Variants in PTCH1 observed in about 807,000 individuals in gnomAD.
The protein encoded by PTCH1 is protein patched homolog 1.
PTCH1 carries 14 observed loss-of-function variants against 144.6 expected under a neutral mutation model. The ratio of observed to expected loss-of-function variants is 0.10; its 90% confidence interval spans 0.06 to 0.15. PTCH1 has a LOEUF of 0.15. Among genes scored for constraint, PTCH1 ranks in the 10% least tolerant of loss-of-function variants. The pLI is 1.00. For missense variants in PTCH1, 1,623 were observed against 1,948.3 expected (o/e 0.83, Z 3.14); for synonymous variants, 833 against 793.6 (o/e 1.05, Z -0.83).
rs1372660225 is a variant in PTCH1, at chr9:95,458,308, G to C, written c.2888-15C>G. ...TGCTGCCGGGACTGGACAGAGAAGG[G>C]CACAGGTTAGGAGCAGCCCAGGGTA... On this transcript the variant is annotated splice_polypyrimidine_tract_variant and intron_variant, in intron 17 of 23. Transcript: ENST00000331920. The surrounding 1 kb of genome is among the most constrained non-coding windows in gnomAD (Gnocchi z 4.7). The C allele has an allele frequency of 5.6e-6, 9 of 1,612,878 alleles. No individual in the cohort carries two copies. Among genetic ancestry groups the C allele is most frequent in the Non-Finnish European group, 6.8e-6 (8 of 1,179,640 alleles).
In PTCH1 at chr9:95,447,060, G is replaced by A. The variant is rs1564004776; in HGVS notation, c.4196C>T (p.Pro1399Leu). Residue 1399 changes from proline (P) to leucine (L), a missense_variant, in exon 23 of 24, where the codon CCA (proline) becomes CTA (leucine). Transcript: ENST00000331920. ...PGRNPRGGLC[P>L]GYPETDHGLF... ...GCCGTGGTCAGTCTCAGGGTAGCCT[G>A]GGCAGAGTCCCCCTCGGGGGTTCCG... The A allele has an allele frequency of 6.2e-7, 1 of 1,614,130 alleles. No homozygotes were observed. The highest frequency in any genetic ancestry group is 1.7e-5 in the Admixed American group (1 of 60,034).
intron 15 of PTCH1, among the ~76,000 whole-genome samples, chr9:95,463,381 C>A (rs933517115): frequency 6.6e-6 from 1 of 151,832 alleles, no homozygotes; most frequent in Non-Finnish European, 1.5e-5. Flanking sequence ...GGAGACGGGA[C>A]AGGAGACCAC....
intron 1 of PTCH1, chr9:95,506,963 G>C (rs959329225): frequency 7.9e-6 from 8 of 1,013,886 alleles, no homozygotes; most frequent in Non-Finnish European, 3.5e-6. Context: ...GAGGGGCTGC[G>C]TAATCCCAGC....
chr9:95,493,364 C>A (rs536401594), intron 2 of PTCH1, among the ~76,000 whole-genome samples: 6 of 152,364 alleles, frequency 3.9e-5, no homozygotes, highest in Admixed American at 1.3e-4. Flanking sequence ...AAATTCAAGT[C>A]CTGCCCATGC....
chr9:95,466,039 G>T (rs1303543850), intron 15 of PTCH1, among the ~76,000 whole-genome samples: 2 of 151,910 alleles, frequency 1.3e-5, no homozygotes, highest in Non-Finnish European at 2.9e-5. Flanking sequence ...GCCAATAAAG[G>T]CACTGTTATT....
chr9:95,496,152 G>A (rs1476899647), intron 2 of PTCH1, among the ~76,000 whole-genome samples: 1 of 152,204 alleles, frequency 6.6e-6, no homozygotes, highest in Non-Finnish European at 1.5e-5. Flanking sequence ...TTACACCGCA[G>A]CTGGCATTTA....
rs1302049731 is a variant in PTCH1 at position 95,456,422 on chromosome 9, G to A, written c.3169-9C>T. The A allele has an allele frequency of 6.2e-7, 1 of 1,613,600 alleles. No individual in the cohort carries two copies. The highest frequency in any genetic ancestry group is 2.2e-5 in the East Asian group (1 of 44,868). ...AGCGCCAGGACCATCACCTGGAGCA[G>A]GGCACACAGTGGTCAGTGGGCGGGC... On this transcript the variant is annotated splice_polypyrimidine_tract_variant and intron_variant, in intron 18 of 23. Coordinates refer to ENST00000331920, the MANE Select transcript of PTCH1 (RefSeq NM_000264.5).
In PTCH1 at chr9:95,468,803, G is replaced by A. The variant is rs1311804361; in HGVS notation, c.2198C>T (p.Ser733Leu). 6.2e-7 allele frequency: 1 copy of A among 1,614,230 alleles called. No individual in the cohort carries two copies. Among genetic ancestry groups the A allele is most frequent in the East Asian group, 2.2e-5 (1 of 44,884 alleles). The change falls in exon 14 of 24, where the codon TCA (serine) becomes TTA (leucine). Residue 733 changes from serine (S) to leucine (L), a missense_variant. Ser to Leu is a moderately radical substitution (Grantham distance 145). Transcript: ENST00000331920. ...LEPPCTKWTL[S>L]SFAEKHYAPF... ...AGCATAGTGCTTCTCAGCAAAAGAT[G>A]AGAGTGTCCACTTCGTACAGGGGGG...
At position 95,479,158 on chromosome 9, in the gene PTCH1, G is replaced by A. The variant is rs2118368944; in HGVS notation, c.1068-11C>T. 6.2e-7 allele frequency: 1 copy of A among 1,614,080 alleles called. No homozygotes were observed. Among genetic ancestry groups the A allele is most frequent in the Non-Finnish European group, 8.5e-7 (1 of 1,180,006 alleles). On this transcript the variant is annotated splice_polypyrimidine_tract_variant and intron_variant, in intron 7 of 23. Coordinates refer to ENST00000331920, the MANE Select transcript of PTCH1 (RefSeq NM_000264.5). ...TGCAGGGCATGGGCGCTGCAGCACAGTCCAAGGGAAGGCACATCATCAGTA... is the reference window on the plus strand; with the variant it reads ...TGCAGGGCATGGGCGCTGCAGCACAATCCAAGGGAAGGCACATCATCAGTA...
chr9:95,499,260 A>C (rs1228977765), intron 2 of PTCH1, among the ~76,000 whole-genome samples: 1 of 151,710 alleles, frequency 6.6e-6, no homozygotes, highest in African/African-American at 2.4e-5. Context: ...AGCCCATCAA[A>C]GAGTGTGGTC....
rs1843962570 is a variant in PTCH1, at chr9:95,508,744, T to G, written c.-383A>C. The stretch of plus-strand genomic sequence containing the variant: ...ACTCCTTGCGGTCCCCAACTCCCCC[T>G]ACCCGCCCCCCGCCCCGCGCCGCGA... On this transcript the variant is annotated 5_prime_UTR_variant, in exon 1 of 24. Transcript: ENST00000331920. 8 of 924,326 alleles carry G rather than the reference T, an allele frequency of 8.7e-6. No homozygotes were observed. The highest frequency in any genetic ancestry group is 1.2e-4 in the East Asian group (1 of 8,424). 57.3% of individuals were successfully genotyped at this position (924,326 alleles called of 1,614,324 possible).
chr9:95,477,728 G>A, intron 9 of PTCH1, 26 bp from the exon 10 acceptor site: 5 of 1,613,500 alleles, frequency 3.1e-6, no homozygotes, highest in African/African-American at 1.3e-5. Context: ...TGGGGGCACA[G>A]AACAAAAGCC....
In PTCH1 at chr9:95,468,817, C is replaced by T. The variant is rs201103723; in HGVS notation, c.2184G>A (p.Thr728=). The T allele has an allele frequency of 1.7e-5, 27 of 1,613,972 alleles. No individual in the cohort carries two copies. The highest frequency in any genetic ancestry group is 4.0e-5 in the African/African-American group (3 of 74,892). Residue 728 remains threonine, a synonymous_variant, in exon 14 of 24, where the codon ACG becomes ACA. Transcript: ENST00000331920. ...CAGCAAAAGATGAGAGTGTCCACTT[C>T]GTACAGGGGGGCTCGAGGCAGTGGA... is the stretch of plus-strand genomic sequence containing the variant. The part of the protein sequence containing the change: ...SSLHCLEPPC[T]KWTLSSFAEK...
At chr9:95,507,310 G>T (rs1437227234) in intron 1 of PTCH1, 1 of 985,310 alleles carries the variant, frequency 1.0e-6, no homozygotes, top group Non-Finnish European at 1.2e-6. Flanking sequence ...GTAAAAAACA[G>T]CCGAGTGCAA....
At position 95,485,829 on chromosome 9, in the gene PTCH1, A is replaced by G. The variant is rs1588622790; in HGVS notation, c.440T>C (p.Ile147Thr). The change falls in exon 3 of 24, where the codon ATT (isoleucine) becomes ACT (threonine). Residue 147 changes from isoleucine to threonine, a missense_variant. Physicochemically the swap from Ile to Thr is moderately conservative, Grantham distance 89 (BLOSUM62 -1). Around this residue, in one of 7 missense-constraint regions of PTCH1, gnomAD observed 245 missense variants for 240.6 expected, o/e 1.02. Transcript: ENST00000331920. ...AGGATTAAACATAGCCTCTTCTCCA[A>G]TCTTCTGGCGAGTATAATTTAATTC... is the stretch of plus-strand genomic sequence containing the variant. ...SRELNYTRQKIGEEAMFNPQL... is the reference protein window; with the variant it reads ...SRELNYTRQKTGEEAMFNPQL... 1 of 1,614,212 alleles carries G rather than the reference A, an allele frequency of 6.2e-7. No individual in the cohort carries two copies.
chr9:95,481,480 A>G (rs980909278), intron 5 of PTCH1, among the ~76,000 whole-genome samples: 8 of 152,238 alleles, frequency 5.3e-5, no homozygotes, highest in Non-Finnish European at 1.2e-4. Flanking sequence ...CTTCACAGAT[A>G]GTGGATTTCC....
rs1843935119 is a variant in PTCH1, at chr9:95,508,509, G to A, written c.-148C>T. ...GCAGGCTGCTCGGGCTCGGGCTCCGGTTGACAGACCAGCCGCTGCTGCTGC... is the reference window on the plus strand; with the variant it reads ...GCAGGCTGCTCGGGCTCGGGCTCCGATTGACAGACCAGCCGCTGCTGCTGC... On this transcript the variant is annotated 5_prime_UTR_variant, in exon 1 of 24. Coordinates refer to ENST00000331920, the MANE Select transcript of PTCH1 (RefSeq NM_000264.5). The A allele has an allele frequency of 1.1e-5, 11 of 1,018,304 alleles. No homozygotes were observed. The highest frequency in any genetic ancestry group is 1.2e-5 in the Non-Finnish European group (10 of 851,300). The allele number at this position is 1,018,304 out of a possible 1,614,324, so 63.1% of individuals were successfully genotyped here. A position where few individuals can be genotyped will look rare whatever the true frequency, so the allele number is the denominator to read the frequency against.
intron 2 of PTCH1, 141 bp downstream of exon 2, chr9:95,506,266 C>G (rs1447630531): frequency 1.9e-6 from 2 of 1,029,264 alleles, no homozygotes; most frequent in Non-Finnish European, 2.7e-6. Context: ...GCCAGGCGCC[C>G]AAACAATAAA....
intron 16 of PTCH1, among the ~76,000 whole-genome samples, chr9:95,461,231 T>G (rs1217606881): frequency 6.6e-6 from 1 of 152,006 alleles, no homozygotes; most frequent in Non-Finnish European, 1.5e-5. Flanking sequence ...GAGAATATGA[T>G]TCCCAAACAG....
Sources: gnomAD v4.1 joint callset for allele counts (sites outside exome capture counted in the v4.1 genomes callset) on GRCh38, gnomAD v4.1.1 for gene constraint, gnomAD v4.1.1 regional missense constraint, Gnocchi (gnomAD v3.1) non-coding constraint, MANE v1.5 for transcripts, NCBI Gene and HGNC (gene_info 2026-07-23, HGNC 2026-07-21) for gene names.